The following RRAGC variants were observed in gnomAD, a reference collection of about 807,000 sequenced individuals.
RRAGC encodes the protein Ras related GTP binding C, also known as ras-related GTP-binding protein C.
In RRAGC, 8 loss-of-function variants were observed where a neutral mutation model predicts 37.1. That is an observed-to-expected ratio of 0.22 (90% CI 0.13 to 0.39). RRAGC has a LOEUF of 0.39. Among genes scored for constraint, RRAGC ranks in the 10% least tolerant of loss-of-function variants. The probability of loss-of-function intolerance (pLI) is 1.00; values close to 1 mark genes in which losing one functional copy is unlikely to be tolerated. For synonymous variants in RRAGC, 190 were observed against 181.1 expected, an observed-to-expected ratio of 1.05 and a Z score of -0.39; for missense variants, 342 against 497.6, an observed-to-expected ratio of 0.69 and a Z score of 2.98.
At chr1:38,856,700 T>C in intron 2 of RRAGC, 179 bp downstream of exon 2, 1 of 569,268 alleles carries the variant, frequency 1.8e-6, no homozygotes, top group Non-Finnish European at 3.1e-6. Flanking sequence ...TCTGATATTC[T>C]GTACCTGCAC....
At chr1:38,843,444 G>C (rs1334299309) in intron 6 of RRAGC, among the ~76,000 whole-genome samples, 1 of 152,078 alleles carries the variant, frequency 6.6e-6, no homozygotes, top group African/African-American at 2.4e-5. Flanking sequence ...ATTCAGGCCG[G>C]GCGCAGTGGC....
rs769383157 is a variant in RRAGC, at chr1:38,859,473, G to C, written c.174C>G (p.Asp58Glu). The change falls in exon 1 of 7, where the codon GAC (aspartate) becomes GAG (glutamate). Residue 58 changes from aspartate to glutamate, a missense_variant. Asp to Glu is a conservative substitution (Grantham distance 45). Coordinates refer to ENST00000373001, the MANE Select transcript of RRAGC (RefSeq NM_022157.4). ...AGGGCGPGGADSSKPRILLMG... is the reference protein window; with the variant it reads ...AGGGCGPGGAESSKPRILLMG... ...TGAGCAGAATCCTCGGCTTGGAGCTGTCAGCGCCCCCCGGACCACAGCCAC... is the reference window on the plus strand; with the variant it reads ...TGAGCAGAATCCTCGGCTTGGAGCTCTCAGCGCCCCCCGGACCACAGCCAC... 1.3e-5 allele frequency: 20 copies of C among 1,547,978 alleles called. No homozygotes were observed. The highest frequency in any genetic ancestry group is 1.4e-5 in the African/African-American group (1 of 72,968).
In RRAGC at chr1:38,839,507, GGAGTGAAGA is replaced by G; in HGVS notation, c.*37_*45del. On this transcript the variant is annotated 3_prime_UTR_variant, in exon 7 of 7. Transcript: ENST00000373001. ...CCTGTAGCACGTGGCATCCGACCCT[GGAGTGAAGA>G]GTAAGCTGGCACAGAGCCCCGACGC... The G allele has an allele frequency of 6.2e-7, 1 of 1,608,778 alleles. No homozygotes were observed. The highest frequency in any genetic ancestry group is 8.5e-7 in the Non-Finnish European group (1 of 1,176,366).
Position 38,839,422 on chromosome 1 carries a change from C to T in RRAGC, c.*131G>A, listed in dbSNP as rs189687689. ...AAGGGGTTTTCATCCAAATGAGAAA[C>T]TCTACCCCTTGTCTCTAGTGGAACA... On this transcript the variant is annotated 3_prime_UTR_variant, in exon 7 of 7. Coordinates refer to ENST00000373001, the MANE Select transcript of RRAGC (RefSeq NM_022157.4). The T allele has an allele frequency of 5.7e-5, 50 of 883,222 alleles. 1 individual carries two copies. The East Asian group carries it at 8.6e-4, about 15-fold the overall frequency. The allele number at this position is 883,222 out of a possible 1,614,324, so 54.7% of individuals were successfully genotyped here.
At chr1:38,848,511 CAA>C (rs1642054355) in intron 5 of RRAGC, among the ~76,000 whole-genome samples, 1 of 152,190 alleles carries the variant, frequency 6.6e-6, no homozygotes, top group African/African-American at 2.4e-5. Context: ...ACATTCTATT[CAA>C]AGTCTGGAGA....
In RRAGC at chr1:38,856,982, T is replaced by C. The variant is rs772511201; in HGVS notation, c.338A>G (p.Gln113Arg). Residue 113 changes from glutamine (Q) to arginine (R), a missense_variant, in exon 2 of 7, where the codon CAG becomes CGG. By Grantham distance (43) the Gln-to-Arg change is conservative. This residue lies in a region of RRAGC where 134 missense variants were observed against 277.2 expected (regional missense o/e 0.48). Coordinates refer to ENST00000373001, the MANE Select transcript of RRAGC (RefSeq NM_022157.4). ...DISNSSFVNF[Q>R]IWDFPGQMDF... ...CATTTGCCCAGGAAAATCCCATATC[T>C]GGAAATTCACAAAGGAGCTATTGGA... 6.2e-7 allele frequency: 1 copy of C among 1,614,068 alleles called. No individual in the cohort carries two copies. The highest frequency in any genetic ancestry group is 2.2e-5 in the East Asian group (1 of 44,876).
intron 5 of RRAGC, among the ~76,000 whole-genome samples, chr1:38,851,320 T>C (rs187139966): frequency 2.0e-5 from 3 of 152,350 alleles, no homozygotes; most frequent in African/African-American, 7.2e-5. Context: ...GTTCCAGTAG[T>C]GAGAAGACAC....
rs544448799 is a variant in RRAGC, at chr1:38,842,393, A to ATTTT, written c.1049-2690_1049-2689insAAAA. 4.7e-4 allele frequency among the ~76,000 whole-genome samples: 71 copies of ATTTT among 152,382 alleles called. 1 individual carries two copies. The South Asian group carries it at 0.014, about 31-fold the overall frequency. On this transcript the variant is annotated intron_variant, in intron 6 of 6. Coordinates refer to ENST00000373001, the MANE Select transcript of RRAGC (RefSeq NM_022157.4). Reference sequence around the variant, plus strand: ...TGTGAAAGAAGAAACCTGAATAGCCATGAAAAGGTACTTGCCATGAAAAGA... The same window carrying ATTTT: ...TGTGAAAGAAGAAACCTGAATAGCCATTTTTGAAAAGGTACTTGCCATGAAAAGA...
chr1:38,858,868 A>T (rs1642199007), intron 1 of RRAGC, among the ~76,000 whole-genome samples: 1 of 152,234 alleles, frequency 6.6e-6, no homozygotes, highest in Non-Finnish European at 1.5e-5. Flanking sequence ...GGCCACAACT[A>T]CTGAAATGGG....
intron 6 of RRAGC, among the ~76,000 whole-genome samples, chr1:38,840,616 C>T (rs1173378840): frequency 1.3e-5 from 2 of 152,104 alleles, no homozygotes; most frequent in African/African-American, 4.8e-5. Context: ...CAAGAAAGAA[C>T]TTGGGGAATA....
At chr1:38,851,576 G>A (rs200140491) in intron 5 of RRAGC, 39 bp downstream of exon 5, 105 of 1,454,944 alleles carry the variant, frequency 7.2e-5, no homozygotes, top group Middle Eastern at 1.9e-4. Flanking sequence ...ATAGTTTTCC[G>A]CCTGTCTGAG....
chr1:38,845,797 A>G (rs892045091), intron 6 of RRAGC, 142 bp downstream of exon 6: 13 of 624,778 alleles, frequency 2.1e-5, no homozygotes, highest in Admixed American at 1.4e-4. Context: ...ACATGGAAGG[A>G]AAGGGACAAA....
intron 6 of RRAGC, among the ~76,000 whole-genome samples, chr1:38,842,584 T>C (rs1362627451): frequency 2.0e-5 from 3 of 152,044 alleles, no homozygotes; most frequent in Admixed American, 6.6e-5. Flanking sequence ...GGGATGAAAA[T>C]AGTAAAGTCA....
chr1:38,852,344 C>T (rs1642110919), intron 4 of RRAGC, 30 bp downstream of exon 4: 2 of 1,097,664 alleles, frequency 1.8e-6, no homozygotes, highest in African/African-American at 3.1e-5. Context: ...TCAGAAGCTG[C>T]AGTGAATTAA....
At chr1:38,847,422 C>T (rs1380183360) in intron 5 of RRAGC, 3 of 138,082 alleles carry the variant, frequency 2.2e-5, no homozygotes, top group African/African-American at 9.6e-5. Context: ...CCAGCCTAGG[C>T]AACACAAGAA....
At chr1:38,852,546 T>G in intron 3 of RRAGC, 58 bp from the exon 4 acceptor site, 2 of 798,270 alleles carry the variant, frequency 2.5e-6, no homozygotes, top group Non-Finnish European at 4.2e-6. Context: ...CTATGACAAC[T>G]ATTATAATAC....
chr1:38,840,383 A>G (rs1263934058), intron 6 of RRAGC, among the ~76,000 whole-genome samples: 1 of 152,204 alleles, frequency 6.6e-6, no homozygotes, highest in Admixed American at 6.5e-5. Flanking sequence ...ATTTGATGAA[A>G]GTCAGTAAAT....
chr1:38,839,267 C>T lies in RRAGC; in HGVS notation c.*286G>A, dbSNP rs1030276820. ...GGTGTTATCTCCAGGTCCAAAATATCCCAACTACTTAAAGGGGACCCAAAA... is the reference window on the plus strand; with the variant it reads ...GGTGTTATCTCCAGGTCCAAAATATTCCAACTACTTAAAGGGGACCCAAAA... On this transcript the variant is annotated 3_prime_UTR_variant, in exon 7 of 7. Transcript: ENST00000373001. 2.4e-5 allele frequency: 7 copies of T among 297,482 alleles called. No homozygotes were observed. The highest frequency in any genetic ancestry group is 2.0e-4 in the Admixed American group (4 of 20,384). The allele number at this position is 297,482 out of a possible 1,614,324, so 18.4% of individuals were successfully genotyped here.
chr1:38,839,865 G>T (rs890675049), intron 6 of RRAGC, among the ~76,000 whole-genome samples, 161 bp from the exon 7 acceptor site: 2 of 151,338 alleles, frequency 1.3e-5, no homozygotes, highest in African/African-American at 4.9e-5. Context: ...GCTGGTCATC[G>T]GTCAGGTGCA....
Sources: gnomAD v4.1 joint callset for allele counts (sites outside exome capture counted in the v4.1 genomes callset) on GRCh38, gnomAD v4.1.1 for gene constraint, gnomAD v4.1.1 regional missense constraint, MANE v1.5 for transcripts, NCBI Gene and HGNC (gene_info 2026-07-23, HGNC 2026-07-21) for gene names.